CIMIP2B: variants seen among roughly 807,000 people sequenced by gnomAD.
The protein encoded by CIMIP2B is family with sequence similarity 166 member B.
At chr9:35,562,078 C>T in the CIMIP2B span, 8 of 1,534,778 alleles carry the variant, frequency 5.2e-6, no homozygotes, top group South Asian at 8.3e-5. Flanking sequence ...AATGTGTGGC[C>T]AAACTGGAAC....
At chr9:35,563,694 TA>T in the CIMIP2B span, 1 of 1,425,602 alleles carries the variant, frequency 7.0e-7, no homozygotes, top group Non-Finnish European at 9.9e-7. Flanking sequence ...CCCCATGCTC[TA>T]AGCAGCTTAA....
At chr9:35,562,095 CCT>C in the CIMIP2B span, 13 of 1,529,718 alleles carry the variant, frequency 8.5e-6, no homozygotes, top group Admixed American at 4.0e-5. Context: ...GAACTTATAC[CCT>C]GTGTGGCCAA....
the CIMIP2B span, chr9:35,562,924 G>A: frequency 2.9e-5 from 47 of 1,613,828 alleles, no homozygotes; most frequent in Non-Finnish European, 3.5e-5. Flanking sequence ...CTCCGGCTCT[G>A]GCACCTGGTC....
chr9:35,561,840 G>GTATTTATT, the CIMIP2B span: 4 of 622,332 alleles, frequency 6.4e-6, no homozygotes, highest in East Asian at 5.7e-5. Flanking sequence ...GTCTGTTTAT[G>GTATTTATT]TATTTATTTA....
At chr9:35,563,229 C>A in the CIMIP2B span, 1 of 1,613,990 alleles carries the variant, frequency 6.2e-7, no homozygotes, top group Non-Finnish European at 8.5e-7. Flanking sequence ...GGTAGACTCT[C>A]CCTGGGAACC....
the CIMIP2B span, chr9:35,562,561 A>C: frequency 6.3e-7 from 1 of 1,596,030 alleles, no homozygotes; most frequent in Non-Finnish European, 8.5e-7. Context: ...CGCAGGGCAC[A>C]TAGCCAGTGA....
chr9:35,563,363 C>G, the CIMIP2B span: 1 of 1,613,350 alleles, frequency 6.2e-7, no homozygotes, highest in Non-Finnish European at 8.5e-7. Context: ...CACGCTGAAC[C>G]GAAGTAGTGG....
chr9:35,562,739 AGGAGGT>A, the CIMIP2B span: 7 of 1,613,032 alleles, frequency 4.3e-6, no homozygotes, highest in Non-Finnish European at 5.1e-6. Flanking sequence ...CAATCTCCCA[AGGAGGT>A]GGAGCTGACA....
chr9:35,562,760 A>T, the CIMIP2B span: 2 of 1,611,132 alleles, frequency 1.2e-6, no homozygotes, highest in South Asian at 2.2e-5. Flanking sequence ...CTGACAATCA[A>T]GTGCACATCC....
chr9:35,562,537 G>A, the CIMIP2B span: 79 of 1,581,104 alleles, frequency 5.0e-5, no homozygotes, highest in East Asian at 1.8e-4. Context: ...AGCTGGAGCC[G>A]AAGAGGAAGC....
the CIMIP2B span, chr9:35,561,872 T>A: frequency 1.5e-6 from 1 of 684,198 alleles, no homozygotes; most frequent in Non-Finnish European, 2.6e-6. Flanking sequence ...TACCTATTAA[T>A]AAAAAAGGTG....
the CIMIP2B span, chr9:35,562,986 T>C: frequency 1.2e-6 from 2 of 1,613,958 alleles, no homozygotes; most frequent in East Asian, 2.2e-5. Flanking sequence ...CTTCACTCCC[T>C]TGCTTTTCAT....
the CIMIP2B span, chr9:35,562,160 C>A: frequency 7.7e-7 from 1 of 1,299,062 alleles, no homozygotes; most frequent in Non-Finnish European, 1.0e-6. Flanking sequence ...AATTCTCAGC[C>A]AGTTGGCTAG....
At chr9:35,562,345 C>G in the CIMIP2B span, 1 of 1,310,756 alleles carries the variant, frequency 7.6e-7, no homozygotes, top group Admixed American at 2.9e-5. Context: ...AACAAACATT[C>G]CAGTCCCCAA....
the CIMIP2B span, chr9:35,562,309 C>T: frequency 2.3e-6 from 3 of 1,313,492 alleles, no homozygotes; most frequent in Non-Finnish European, 2.0e-6. Flanking sequence ...CCCCACAAAC[C>T]ACCCAACCCA....
the CIMIP2B span, chr9:35,563,287 A>G: frequency 1.9e-6 from 3 of 1,613,888 alleles, no homozygotes; most frequent in Admixed American, 5.0e-5. Flanking sequence ...TGCGGTGGAC[A>G]GGGGGCCAGG....
chr9:35,562,928 C>A, the CIMIP2B span: 1 of 1,614,044 alleles, frequency 6.2e-7, no homozygotes. Flanking sequence ...GGCTCTGGCA[C>A]CTGGTCCTTC....
the CIMIP2B span, chr9:35,562,547 C>T: frequency 1.0e-5 from 16 of 1,583,962 alleles, no homozygotes; most frequent in South Asian, 1.2e-4. Context: ...GAAGAGGAAG[C>T]GGGCGCAGGG....
At chr9:35,562,241 G>T in the CIMIP2B span, 1 of 1,039,972 alleles carries the variant, frequency 9.6e-7, no homozygotes, top group African/African-American at 1.6e-5. Flanking sequence ...TTCCTTTTCT[G>T]CCTGATAATA....
Sources: allele counts gnomAD v4.1 joint callset, GRCh38; gene constraint gnomAD v4.1.1; transcripts MANE v1.5; gene names NCBI Gene and HGNC (gene_info 2026-07-23, HGNC 2026-07-21).